Variants in XKR4 observed in about 807,000 individuals in gnomAD.
XKR4 encodes the protein XK related 4.
Under a neutral mutation model 53.9 loss-of-function variants are expected in XKR4, and 12 were observed. That is an observed-to-expected ratio of 0.22 (90% CI 0.14 to 0.36). XKR4 has a LOEUF of 0.36. Among genes scored for constraint, XKR4 ranks in the 10% least tolerant of loss-of-function variants. XKR4 has a pLI of 1.00. For synonymous variants in XKR4, 354 were observed against 362.4 expected, an observed-to-expected ratio of 0.98 and a Z score of 0.26; for missense variants, 799 against 859.5, an observed-to-expected ratio of 0.93 and a Z score of 0.88.
chr8:55,130,611 A>G (rs1816539850), intron 1 of XKR4, among the ~76,000 whole-genome samples: 1 of 152,156 alleles, frequency 6.6e-6, no homozygotes, highest in African/African-American at 2.4e-5. Flanking sequence ...TCAGTTTGCA[A>G]TGTCTGTGCA....
intron 1 of XKR4, among the ~76,000 whole-genome samples, chr8:55,194,316 A>C (rs1211357686): frequency 1.3e-5 from 2 of 152,202 alleles, no homozygotes; most frequent in Admixed American, 6.5e-5. Context: ...ACGACTGGCC[A>C]GGCCTCCCTC....
At chr8:55,520,386 G>A (rs549064743) in intron 2 of XKR4, among the ~76,000 whole-genome samples, 1 of 152,366 alleles carries the variant, frequency 6.6e-6, no homozygotes, top group African/African-American at 2.4e-5. Context: ...AGGAGTTCGA[G>A]ACCAGCCTGA....
At chr8:55,431,351 T>C (rs569227002) in intron 2 of XKR4, among the ~76,000 whole-genome samples, 1 of 152,336 alleles carries the variant, frequency 6.6e-6, no homozygotes, top group South Asian at 2.1e-4. Flanking sequence ...TACAACTCCA[T>C]GTATACATTG....
chr8:55,380,890 A>G (rs1427136453), intron 2 of XKR4, among the ~76,000 whole-genome samples: 2 of 152,256 alleles, frequency 1.3e-5, no homozygotes. Context: ...GAGTCAAACT[A>G]GGTCATCTCT....
intron 2 of XKR4, among the ~76,000 whole-genome samples, chr8:55,458,964 A>G: frequency 6.6e-6 from 1 of 152,050 alleles, no homozygotes; most frequent in Non-Finnish European, 1.5e-5. Context: ...CTCACCAGCG[A>G]CCCCACCCTT....
intron 1 of XKR4, among the ~76,000 whole-genome samples, chr8:55,116,506 AAATGT>A (rs1816311051): frequency 6.6e-6 from 1 of 152,164 alleles, no homozygotes; most frequent in Non-Finnish European, 1.5e-5. Context: ...CCTACGTGAG[AAATGT>A]AACGTTCAAC....
chr8:55,523,730 G>C lies in XKR4; in HGVS notation c.1456G>C (p.Ala486Pro), dbSNP rs1258955724. 1 of 1,614,130 alleles carries C rather than the reference G, an allele frequency of 6.2e-7. No individual in the cohort carries two copies. The highest frequency in any genetic ancestry group is 1.1e-5 in the South Asian group (1 of 91,090). Reference protein sequence around the residue: ...YLYKAPQIADAFAIPALCVVF... With the variant: ...YLYKAPQIADPFAIPALCVVF... ...CTACAAGGCTCCCCAGATTGCAGACGCATTTGCCATTCCAGCGCTGTGTGT... is the reference window on the plus strand; with the variant it reads ...CTACAAGGCTCCCCAGATTGCAGACCCATTTGCCATTCCAGCGCTGTGTGT... Residue 486 changes from alanine to proline, a missense_variant, in exon 3 of 3, where the codon GCA becomes CCA. Physicochemically the swap from Ala to Pro is conservative, Grantham distance 27. Transcript: ENST00000327381.
Position 55,523,833 on chromosome 8 carries a change from T to A in XKR4, c.1559T>A (p.Phe520Tyr). The change falls in exon 3 of 3, where the codon TTC (phenylalanine) becomes TAC (tyrosine). Residue 520 changes from phenylalanine to tyrosine, a missense_variant. Phe to Tyr is a conservative substitution (Grantham distance 22, BLOSUM62 3). Transcript: ENST00000327381. The stretch of plus-strand genomic sequence containing the variant: ...TTCTTTCATCCCAATGGACCCAGAT[T>A]CGGGCAGTCACCAAGTTGTGCTTGT... The part of the protein sequence containing the change: ...YAFFHPNGPR[F>Y]GQSPSCACED... The A allele has an allele frequency of 6.2e-7, 1 of 1,614,198 alleles. No individual in the cohort carries two copies. Among genetic ancestry groups the A allele is most frequent in the Non-Finnish European group, 8.5e-7 (1 of 1,180,032 alleles).
intron 2 of XKR4, among the ~76,000 whole-genome samples, chr8:55,459,125 C>G (rs888809837): frequency 3.9e-5 from 6 of 152,120 alleles, no homozygotes; most frequent in African/African-American, 1.4e-4. Context: ...TAAACTCTTA[C>G]CTTTATGGTC....
intron 2 of XKR4, among the ~76,000 whole-genome samples, chr8:55,461,517 A>G (rs1293015433): frequency 6.6e-6 from 1 of 152,172 alleles, no homozygotes; most frequent in Non-Finnish European, 1.5e-5. Context: ...AACCACAAAG[A>G]TGGGGGAAAA....
At chr8:55,117,726 G>C (rs907538657) in intron 1 of XKR4, among the ~76,000 whole-genome samples, 1 of 152,180 alleles carries the variant, frequency 6.6e-6, no homozygotes, top group Non-Finnish European at 1.5e-5. Flanking sequence ...CGAATCTCAT[G>C]CTTTTCCCAC....
chr8:55,175,936 T>C (rs1175565937), intron 1 of XKR4, among the ~76,000 whole-genome samples: 1 of 152,214 alleles, frequency 6.6e-6, no homozygotes, highest in East Asian at 1.9e-4. Context: ...AGAAGAAATA[T>C]GTTAAGTCAT....
At chr8:55,494,466 C>T (rs924229054) in intron 2 of XKR4, among the ~76,000 whole-genome samples, 1 of 152,158 alleles carries the variant, frequency 6.6e-6, no homozygotes, top group African/African-American at 2.4e-5. Context: ...TCAATGGGTC[C>T]CAAGTTCTTG....
chr8:55,319,955 G>A (rs1313571158), intron 1 of XKR4, among the ~76,000 whole-genome samples: 1 of 152,172 alleles, frequency 6.6e-6, no homozygotes, highest in Non-Finnish European at 1.5e-5. Flanking sequence ...TGTAGAATAA[G>A]GGTGAACCTT....
At chr8:55,348,130 A>G (rs1482024485) in intron 1 of XKR4, among the ~76,000 whole-genome samples, 2 of 152,180 alleles carry the variant, frequency 1.3e-5, no homozygotes, top group Non-Finnish European at 2.9e-5. Context: ...CCAGATACTG[A>G]TTAACAGACT....
chr8:55,414,499 G>T (rs1302674581), intron 2 of XKR4, among the ~76,000 whole-genome samples: 1 of 149,204 alleles, frequency 6.7e-6, no homozygotes, highest in Non-Finnish European at 1.5e-5. Context: ...TAGATATATA[G>T]TATATAATAT....
chr8:55,140,783 G>C (rs1159131439), intron 1 of XKR4, among the ~76,000 whole-genome samples: 2 of 152,148 alleles, frequency 1.3e-5, no homozygotes, highest in African/African-American at 4.8e-5. Flanking sequence ...ACCTCAGCTT[G>C]GTGATGAAGG....
chr8:55,502,974 A>G (rs1806467190), intron 2 of XKR4, among the ~76,000 whole-genome samples: 1 of 151,998 alleles, frequency 6.6e-6, no homozygotes, highest in Non-Finnish European at 1.5e-5. Context: ...TCCCCATTGA[A>G]TGTCTTGGCA....
intron 2 of XKR4, among the ~76,000 whole-genome samples, chr8:55,399,427 C>T (rs191157241): frequency 6.6e-6 from 1 of 152,354 alleles, no homozygotes; most frequent in African/African-American, 2.4e-5. Context: ...CTGATGATAG[C>T]TCAGCGGTTA....
Sources: gnomAD v4.1 joint callset for allele counts (sites outside exome capture counted in the v4.1 genomes callset) on GRCh38, gnomAD v4.1.1 for gene constraint, MANE v1.5 for transcripts, NCBI Gene and HGNC (gene_info 2026-07-23, HGNC 2026-07-21) for gene names.